REEP1: variants seen among roughly 807,000 people sequenced by gnomAD.
REEP1 encodes receptor accessory protein 1.
A neutral mutation model predicts 40.3 loss-of-function variants in REEP1; 22 were observed. The observed-to-expected ratio is 0.55, with a 90% CI of 0.39 to 0.78. REEP1 has a LOEUF of 0.78. REEP1 is among the 30% of genes least tolerant of loss of function. The pLI, the probability that REEP1 is intolerant of heterozygous loss-of-function variation, is 0.00. For synonymous variants in REEP1, 116 were observed against 139.2 expected (o/e 0.83, Z 1.17); for missense variants, 280 against 361.1 (o/e 0.78, Z 1.82).
rs139808535 is a variant in REEP1 at position 86,254,766 on chromosome 2, C to T, written c.231G>A (p.Leu77=). ...GGCTGGAGCCTTTTGTGTAGGGAGA[C>T]AGCAGCCAGGCTACAAATGCTATTT... is the stretch of plus-strand genomic sequence containing the variant. ...ELKIAFVAWL[L]SPYTKGSSLL... Residue 77 remains leucine (L), a synonymous_variant, in exon 4 of 9, where the codon CTG becomes CTA. Transcript: ENST00000538924. The T allele has an allele frequency of 1.2e-4, 194 of 1,613,856 alleles. No homozygotes were observed. The African/African-American group carries it at 2.3e-3, about 20-fold the overall frequency.
intron 3 of REEP1, among the ~76,000 whole-genome samples, chr2:86,261,914 T>C (rs1045846609): frequency 2.0e-5 from 3 of 152,282 alleles, no homozygotes; most frequent in Non-Finnish European, 2.9e-5. Flanking sequence ...GCAGCAATAC[T>C]GCTTTGTAAA....
In REEP1 at chr2:86,214,787, G is replaced by T. The variant is rs1573976700; in HGVS notation, c.*2252C>A. 6.6e-6 allele frequency: 1 copy of T among 152,578 alleles called. No homozygotes were observed. Among genetic ancestry groups the T allele is most frequent in the African/African-American group, 2.4e-5 (1 of 41,436 alleles). 9.5% of individuals were successfully genotyped at this position (152,578 alleles called of 1,614,324 possible). ...TACATTTACATTAAGACAGAGTTTGGATACCTTTATATTTTTCAATCTTGA... is the reference window on the plus strand; with the variant it reads ...TACATTTACATTAAGACAGAGTTTGTATACCTTTATATTTTTCAATCTTGA... On this transcript the variant is annotated 3_prime_UTR_variant, in exon 9 of 9. Transcript: ENST00000538924.
chr2:86,324,842 TGA>T (rs1361166236), intron 1 of REEP1, among the ~76,000 whole-genome samples: 2 of 152,202 alleles, frequency 1.3e-5, no homozygotes, highest in Non-Finnish European at 2.9e-5. Flanking sequence ...GCGCTCTTTC[TGA>T]GAGAGTGCAA....
chr2:86,331,318 A>G (rs1217782700), intron 1 of REEP1, among the ~76,000 whole-genome samples: 7 of 152,172 alleles, frequency 4.6e-5, no homozygotes, highest in Non-Finnish European at 2.9e-5. Context: ...GGAAATGCAT[A>G]TCTAGGCCTG....
chr2:86,246,046 G>C (rs1391469375), intron 5 of REEP1, among the ~76,000 whole-genome samples: 1 of 152,180 alleles, frequency 6.6e-6, no homozygotes, highest in Non-Finnish European at 1.5e-5. Context: ...TTACAGGCAT[G>C]AGCCATTGTG....
intron 2 of REEP1, among the ~76,000 whole-genome samples, chr2:86,275,172 A>G (rs1375073806): frequency 6.6e-6 from 1 of 152,132 alleles, no homozygotes; most frequent in Non-Finnish European, 1.5e-5. Flanking sequence ...TGCTTTACAG[A>G]TGACTCTGCA....
intron 1 of REEP1, among the ~76,000 whole-genome samples, chr2:86,297,474 A>G (rs1679040194): frequency 6.6e-6 from 1 of 152,276 alleles, no homozygotes; most frequent in African/African-American, 2.4e-5. Context: ...AGGACCATGG[A>G]CTATGGTGTC....
chr2:86,327,767 C>T (rs1016601584), intron 1 of REEP1, among the ~76,000 whole-genome samples: 1 of 152,160 alleles, frequency 6.6e-6, no homozygotes, highest in South Asian at 2.1e-4. Context: ...CGGGATTTCA[C>T]CGTGTTAGCC....
rs1553457298 is a variant in REEP1 at position 86,226,111 on chromosome 2, C to CCACCACCAT, written c.631+1251_631+1252insATGGTGGTG. Among the ~76,000 whole-genome samples, 699 of 141,104 alleles carry CCACCACCAT rather than the reference C, an allele frequency of 5.0e-3. 15 individuals are homozygous for CCACCACCAT. Among genetic ancestry groups the CCACCACCAT allele is most frequent in the African/African-American group, 0.017 (670 of 38,478 alleles). The allele number at this position is 141,104 out of a possible 152,430, so 92.6% of individuals were successfully genotyped here. ...ACCACCACCACCACCACCACCACCA[C>CCACCACCAT]CACCATCATCACCACCACCACCACC... On this transcript the variant is annotated intron_variant, in intron 7 of 8. Transcript: ENST00000538924.
chr2:86,288,032 A>ATTATTATTATTTTTTTTTTTTT, intron 1 of REEP1, among the ~76,000 whole-genome samples: 1 of 149,856 alleles, frequency 6.7e-6, no homozygotes, highest in African/African-American at 2.5e-5. Flanking sequence ...TATTTTTATT[A>ATTATTATTATTTTTTTTTTTTT]TTTTTTTGAG....
chr2:86,243,033 G>A (rs1252042524), intron 5 of REEP1, among the ~76,000 whole-genome samples: 1 of 152,178 alleles, frequency 6.6e-6, no homozygotes, highest in Non-Finnish European at 1.5e-5. Context: ...GGAAACAAGG[G>A]AGATATTCAG....
chr2:86,284,031 G>A (rs1414278910), intron 1 of REEP1, among the ~76,000 whole-genome samples: 1 of 152,102 alleles, frequency 6.6e-6, no homozygotes, highest in Admixed American at 6.5e-5. Flanking sequence ...GGGTGAGGGG[G>A]AAACATTTAA....
Position 86,296,461 on chromosome 2 carries a change from CAAA to C in REEP1, c.33-14222_33-14220del, listed in dbSNP as rs536843862. 2.1e-3 allele frequency among the ~76,000 whole-genome samples: 322 copies of C among 152,334 alleles called. 4 individuals carry two copies. Among genetic ancestry groups the C allele is most frequent in the Admixed American group, 4.6e-3 (70 of 15,304 alleles). On this transcript the variant is annotated intron_variant, in intron 1 of 8. Coordinates refer to ENST00000538924, the MANE Select transcript of REEP1 (RefSeq NM_001371279.1). ...GGATGCTCCAACTTCTTTGATCGCA[CAAA>C]ATTAGTAAAATATTTTGATCACATG...
intron 1 of REEP1, among the ~76,000 whole-genome samples, chr2:86,327,918 A>C (rs1680592036): frequency 6.6e-6 from 1 of 152,112 alleles, no homozygotes; most frequent in Non-Finnish European, 1.5e-5. Flanking sequence ...GAAGCAGAGA[A>C]AACAGTCAGG....
chr2:86,336,395 T>C (rs1181499121), intron 1 of REEP1, among the ~76,000 whole-genome samples: 1 of 152,012 alleles, frequency 6.6e-6, no homozygotes, highest in Non-Finnish European at 1.5e-5. Context: ...GGGTGGTGTT[T>C]CAAAACGTGG....
At chr2:86,258,299 T>G (rs1676679618) in intron 3 of REEP1, among the ~76,000 whole-genome samples, 1 of 152,262 alleles carries the variant, frequency 6.6e-6, no homozygotes, top group Non-Finnish European at 1.5e-5. Context: ...CATCTGTTTT[T>G]ATAAATAAAG....
chr2:86,308,480 G>C (rs910349819), intron 1 of REEP1, among the ~76,000 whole-genome samples: 2 of 152,214 alleles, frequency 1.3e-5, no homozygotes. Context: ...GCTTGAGCAT[G>C]GCAGGCGAAG....
rs764618819 is a variant in REEP1 at position 86,251,899 on chromosome 2, A to G, written c.417+58T>C. On this transcript the variant is annotated intron_variant, in intron 5 of 8. Coordinates refer to ENST00000538924, the MANE Select transcript of REEP1 (RefSeq NM_001371279.1). ...GTTCTGTGTGGTCGCACAGGTGATGAGCAGGGCACACTAGAGGGACTGAGA... is the reference window on the plus strand; with the variant it reads ...GTTCTGTGTGGTCGCACAGGTGATGGGCAGGGCACACTAGAGGGACTGAGA... The G allele has an allele frequency of 2.2e-5, 26 of 1,172,500 alleles. 1 individual carries two copies. In the Admixed American group the frequency reaches 4.2e-4, roughly 19 times the overall value. 72.6% of individuals were successfully genotyped at this position (1,172,500 alleles called of 1,614,324 possible).
At chr2:86,231,448 A>G (rs1574003103) in intron 6 of REEP1, among the ~76,000 whole-genome samples, 1 of 152,212 alleles carries the variant, frequency 6.6e-6, no homozygotes, top group Admixed American at 6.5e-5. Context: ...GGCTCTGAGC[A>G]TGAGTTGCCA....
Sources: gnomAD v4.1 joint callset for allele counts (sites outside exome capture counted in the v4.1 genomes callset) on GRCh38, gnomAD v4.1.1 for gene constraint, MANE v1.5 for transcripts, NCBI Gene and HGNC (gene_info 2026-07-23, HGNC 2026-07-21) for gene names.